The following FCER2 variants were observed in gnomAD, a reference collection of about 807,000 sequenced individuals.
FCER2 encodes low affinity immunoglobulin epsilon Fc receptor.
A neutral mutation model predicts 49.7 loss-of-function variants in FCER2; 38 were observed. The observed-to-expected ratio is 0.76, with a 90% CI of 0.59 to 1.00. The LOEUF (loss-of-function observed/expected upper bound fraction) is 1.00. Ranked by LOEUF, FCER2 falls within the 50% of genes least tolerant of loss-of-function variation. The pLI is 0.00. For missense variants in FCER2, 425 were observed against 419.5 expected, an observed-to-expected ratio of 1.01 and a Z score of -0.11; for synonymous variants, 163 against 164.6, an observed-to-expected ratio of 0.99 and a Z score of 0.07.
chr19:7,696,914 T>G lies in FCER2; in HGVS notation c.380A>C (p.Glu127Ala). The G allele has an allele frequency of 6.3e-7, 1 of 1,578,476 alleles. No individual in the cohort carries two copies. Among genetic ancestry groups the G allele is most frequent in the African/African-American group, 1.3e-5 (1 of 74,468 alleles). Residue 127 changes from glutamate (E) to alanine (A), a missense_variant and splice_region_variant, in exon 8 of 11, where the codon GAA becomes GCA. Transcript: ENST00000597921. ...TGAAGCTTCGTTCCTCTCGTTCAAT[T>G]CTTGGGGAGTCAACAAGGGGCGGTG... is the stretch of plus-strand genomic sequence containing the variant. ...QADLSSFKSQELNERNEASDL... is the reference protein window; with the variant it reads ...QADLSSFKSQALNERNEASDL...
rs2033034093 is a variant in FCER2, at chr19:7,697,039, G to A, written c.353C>T (p.Ala118Val). ...ELSWNLNGLQ[A>V]DLSSFKSQEL... ...CTGGGACTTGAAGCTGCTCAGATCT[G>A]CTTGAAGCCCGTTCAGGTTCCAGGA... Residue 118 changes from alanine to valine, a missense_variant, in exon 7 of 11, where the codon GCA (alanine) becomes GTA (valine). Physicochemically the swap from Ala to Val is moderately conservative, Grantham distance 64 (BLOSUM62 0). Transcript: ENST00000597921. 1.9e-6 allele frequency: 3 copies of A among 1,609,976 alleles called. No homozygotes were observed. In the East Asian group the frequency reaches 6.7e-5, roughly 36 times the overall value.
chr19:7,697,466 G>A (rs2033046428), intron 5 of FCER2, 61 bp downstream of exon 5: 2 of 1,525,456 alleles, frequency 1.3e-6, no homozygotes, highest in Non-Finnish European at 1.8e-6. Flanking sequence ...TCTGGGTCCA[G>A]GAAGTCATCC....
intron 8 of FCER2, among the ~76,000 whole-genome samples, chr19:7,692,867 C>A (rs62110731): frequency 0.34 from 51,588 of 151,712 alleles, 9,631 homozygotes; most frequent in African/African-American, 0.5. Flanking sequence ...CCACAAACAC[C>A]TTCATATCCA....
chr19:7,690,672 G>A, intron 8 of FCER2, 115 bp from the exon 9 acceptor site: 1 of 1,058,074 alleles, frequency 9.5e-7, no homozygotes, highest in Non-Finnish European at 1.4e-6. Flanking sequence ...GCTAAAAGCA[G>A]ACCCACCCCA....
At chr19:7,699,474 G>C in intron 2 of FCER2, 1 of 1,388,514 alleles carries the variant, frequency 7.2e-7, no homozygotes, top group Non-Finnish European at 9.3e-7. Flanking sequence ...CCTAGCTGAA[G>C]CCGTTTTTTT....
chr19:7,691,663 C>T (rs1330123971), intron 8 of FCER2, among the ~76,000 whole-genome samples: 10 of 151,940 alleles, frequency 6.6e-5, no homozygotes, highest in African/African-American at 1.9e-4. Flanking sequence ...ACAAATACCT[C>T]ATGGCCAAAA....
chr19:7,689,324 C>G lies in FCER2; in HGVS notation c.835G>C (p.Ala279Pro). The change falls in exon 11 of 11, where the codon GCC (alanine) becomes CCC (proline). Residue 279 changes from alanine (A) to proline (P), a missense_variant. By Grantham distance (27) the Ala-to-Pro change is conservative. Coordinates refer to ENST00000597921, the MANE Select transcript of FCER2 (RefSeq NM_001220500.2). ...NDAFCDRKLG[A>P]WVCDRLATCT... ...GTGGCCAGCCGGTCGCACACCCAGGCGCCCAGCTTACGGTCGCAGAAGGCG... is the reference window on the plus strand; with the variant it reads ...GTGGCCAGCCGGTCGCACACCCAGGGGCCCAGCTTACGGTCGCAGAAGGCG... 6.2e-7 allele frequency: 1 copy of G among 1,613,118 alleles called. No homozygotes were observed. Among genetic ancestry groups the G allele is most frequent in the Non-Finnish European group, 8.5e-7 (1 of 1,179,714 alleles).
chr19:7,690,321 C>T, intron 9 of FCER2, 56 bp from the exon 10 acceptor site: 2 of 1,608,974 alleles, frequency 1.2e-6, no homozygotes, highest in South Asian at 1.1e-5. Flanking sequence ...GCCTTCCAGC[C>T]CACTTCGAGA....
At chr19:7,691,131 T>C (rs879713307) in intron 8 of FCER2, among the ~76,000 whole-genome samples, 213 of 70,186 alleles carry the variant, frequency 3.0e-3, no homozygotes, top group South Asian at 6.7e-3. Flanking sequence ...CCAATAATAT[T>C]TCAACCATCG....
At chr19:7,695,918 CTCTTTTTTTTTTTTT>C (rs2032998286) in intron 8 of FCER2, among the ~76,000 whole-genome samples, 1 of 124,108 alleles carries the variant, frequency 8.1e-6, no homozygotes, top group African/African-American at 3.4e-5. Flanking sequence ...CTCCATCTCT[CTCTTTTTTTTTTTTT>C]TTTTTTTTTT....
intron 10 of FCER2, among the ~76,000 whole-genome samples, chr19:7,689,941 T>A (rs961278288): frequency 6.6e-6 from 1 of 152,050 alleles, no homozygotes; most frequent in African/African-American, 2.4e-5. Context: ...AATCTGTGCA[T>A]GGAACTTCCT....
chr19:7,690,348 G>C (rs149647877), intron 9 of FCER2, 58 bp downstream of exon 9: 2 of 1,599,600 alleles, frequency 1.3e-6, no homozygotes, highest in Admixed American at 3.4e-5. Context: ...GTAGAGTGGG[G>C]TGGGGGTCCC....
chr19:7,695,134 T>A (rs11260015), intron 8 of FCER2, among the ~76,000 whole-genome samples: 29,888 of 152,040 alleles, frequency 0.2, 3,741 homozygotes, highest in African/African-American at 0.35. Context: ...GTGCACCTGG[T>A]CCCTACCCCA....
In FCER2 at chr19:7,688,825, C is replaced by A. The variant is rs1415503563; in HGVS notation, c.*368G>T. On this transcript the variant is annotated 3_prime_UTR_variant, in exon 11 of 11. Coordinates refer to ENST00000597921, the MANE Select transcript of FCER2 (RefSeq NM_001220500.2). Reference sequence around the variant, plus strand: ...TATTGATGCAGGCTGGACAGGAGGACTCACCACCTGAGCTGGGGATACTCA... The same window carrying A: ...TATTGATGCAGGCTGGACAGGAGGAATCACCACCTGAGCTGGGGATACTCA... 3 of 239,686 alleles carry A rather than the reference C, an allele frequency of 1.3e-5. No homozygotes were observed. The highest frequency in any genetic ancestry group is 2.4e-5 in the Non-Finnish European group (3 of 124,110). The allele number at this position is 239,686 out of a possible 1,614,324, so 14.8% of individuals were successfully genotyped here. A position where few individuals can be genotyped will look rare whatever the true frequency, so the allele number is the denominator to read the frequency against.
chr19:7,693,357 C>G (rs1250922722), intron 8 of FCER2, among the ~76,000 whole-genome samples: 1 of 152,072 alleles, frequency 6.6e-6, no homozygotes, highest in African/African-American at 2.4e-5. Context: ...TGGTCTCTTT[C>G]TCCCCTTCCC....
At chr19:7,698,335 T>G (rs755330373) in intron 4 of FCER2, 21 bp downstream of exon 4, 2 of 1,531,826 alleles carry the variant, frequency 1.3e-6, no homozygotes, top group East Asian at 4.5e-5. Context: ...CCCCACCCCC[T>G]CCACCTTGAC....
At position 7,689,465 on chromosome 19, in the gene FCER2, G is replaced by A. The variant is rs555861824; in HGVS notation, c.729-35C>T. ...AAGGCTTTGGGTCAGGGGATGGGGCGGGGAGAAGGAGCCCAGTTCCCGGCA... is the reference window on the plus strand; with the variant it reads ...AAGGCTTTGGGTCAGGGGATGGGGCAGGGAGAAGGAGCCCAGTTCCCGGCA... On this transcript the variant is annotated intron_variant, in intron 10 of 10. Transcript: ENST00000597921. 8.2e-5 allele frequency: 114 copies of A among 1,389,270 alleles called. 2 individuals are homozygous for A. The Admixed American group carries it at 2.0e-3, about 25-fold the overall frequency. The allele number at this position is 1,389,270 out of a possible 1,614,324, so 86.1% of individuals were successfully genotyped here.
In FCER2 at chr19:7,700,101, G is replaced by T. The variant is rs118051234; in HGVS notation, c.-85-256C>A. The T allele has an allele frequency of 3.0e-3, 939 of 313,012 alleles. 1 individual carries two copies. Among genetic ancestry groups the T allele is most frequent in the Non-Finnish European group, 4.2e-3 (716 of 169,264 alleles). The allele number at this position is 313,012 out of a possible 1,614,324, so 19.4% of individuals were successfully genotyped here. A position where few individuals can be genotyped will look rare whatever the true frequency, so the allele number is the denominator to read the frequency against. ...TGCACCCATGAGATCTTGACAAATG[G>T]CTTAATTAACCTGGAAACTTCTTTC... On this transcript the variant is annotated intron_variant, in intron 1 of 10. Transcript: ENST00000597921.
At chr19:7,698,595 G>A (rs1401615597) in intron 3 of FCER2, 146 bp downstream of exon 3, 3 of 1,088,292 alleles carry the variant, frequency 2.8e-6, no homozygotes, top group East Asian at 2.6e-5. Flanking sequence ...GAAAGGGCTG[G>A]CAGTGGCAAG....
Sources: gnomAD v4.1 joint callset for allele counts (sites outside exome capture counted in the v4.1 genomes callset) on GRCh38, gnomAD v4.1.1 for gene constraint, MANE v1.5 for transcripts, NCBI Gene and HGNC (gene_info 2026-07-23, HGNC 2026-07-21) for gene names.